Variants in DNER observed in about 807,000 individuals in gnomAD.
DNER encodes the protein delta/notch like EGF repeat containing.
DNER carries 33 observed loss-of-function variants against 78.2 expected under a neutral mutation model. The ratio of observed to expected loss-of-function variants is 0.42; its 90% CI spans 0.32 to 0.56. The LOEUF (loss-of-function observed/expected upper bound fraction) is 0.56, where lower values mean the gene tolerates loss of function less well. Ranked by LOEUF, DNER falls within the 20% of genes least tolerant of loss-of-function variation. The pLI, the probability that DNER is intolerant of heterozygous loss-of-function variation, is 0.11. For synonymous variants in DNER, 417 were observed against 384.8 expected, an observed-to-expected ratio of 1.08 and a Z score of -0.98; for missense variants, 918 against 975.3, an observed-to-expected ratio of 0.94 and a Z score of 0.78.
At chr2:229,553,623 C>A (rs1696791538) in intron 4 of DNER, among the ~76,000 whole-genome samples, 1 of 152,202 alleles carries the variant, frequency 6.6e-6, no homozygotes, top group South Asian at 2.1e-4. Context: ...GGCTGCCATG[C>A]CAGCGCAGGT....
intron 10 of DNER, among the ~76,000 whole-genome samples, chr2:229,397,274 T>A (rs1693166483): frequency 6.6e-6 from 1 of 152,054 alleles, no homozygotes; most frequent in Non-Finnish European, 1.5e-5. Context: ...GTGAGCTCTC[T>A]GAGTTTTCTT....
chr2:229,662,347 G>T (rs1314945953), intron 1 of DNER, among the ~76,000 whole-genome samples: 6 of 152,120 alleles, frequency 3.9e-5, no homozygotes, highest in African/African-American at 1.4e-4. Context: ...TAGACCTAAG[G>T]AAAAAGATAA....
chr2:229,549,554 C>G (rs945566538), intron 4 of DNER, among the ~76,000 whole-genome samples: 1 of 152,198 alleles, frequency 6.6e-6, no homozygotes, highest in Non-Finnish European at 1.5e-5. Flanking sequence ...CCGTCTTGGC[C>G]TCCCAAAGTG....
chr2:229,692,328 A>G (rs987824200), intron 1 of DNER, among the ~76,000 whole-genome samples: 1 of 152,206 alleles, frequency 6.6e-6, no homozygotes, highest in African/African-American at 2.4e-5. Context: ...TAGTGCATGC[A>G]TATTTAAGAT....
At chr2:229,653,054 C>G (rs1448445162) in intron 1 of DNER, among the ~76,000 whole-genome samples, 3 of 152,208 alleles carry the variant, frequency 2.0e-5, no homozygotes, top group African/African-American at 7.2e-5. Flanking sequence ...GGACCTGCAT[C>G]TCAGTGGGCA....
intron 1 of DNER, among the ~76,000 whole-genome samples, chr2:229,623,557 C>T (rs766869591): frequency 2.8e-4 from 42 of 152,138 alleles, no homozygotes; most frequent in Non-Finnish European, 5.7e-4. Flanking sequence ...ACTGGGAGCC[C>T]GAGAAGGCAG....
intron 11 of DNER, among the ~76,000 whole-genome samples, chr2:229,388,016 G>A (rs576738555): frequency 6.6e-6 from 1 of 152,108 alleles, no homozygotes. Flanking sequence ...TCTCATCCTG[G>A]GGAAAGGCTG....
In DNER at chr2:229,358,620, C is replaced by G; in HGVS notation, c.2134G>C (p.Asp712His). 6.2e-7 allele frequency: 1 copy of G among 1,613,898 alleles called. No homozygotes were observed. The highest frequency in any genetic ancestry group is 8.5e-7 in the Non-Finnish European group (1 of 1,179,904). ...FGKKSRPAMYDVSPIAYEDYS... is the reference protein window; with the variant it reads ...FGKKSRPAMYHVSPIAYEDYS... ...TCTTCATAGGCGATGGGGCTCACAT[C>G]ATACATTGCAGGCCGGGATTTCTTT... Residue 712 changes from aspartate (D) to histidine (H), a missense_variant, in exon 13 of 13, where the codon GAT becomes CAT. Transcript: ENST00000341772.
At chr2:229,444,567 T>G (rs1694301523) in intron 8 of DNER, among the ~76,000 whole-genome samples, 1 of 152,216 alleles carries the variant, frequency 6.6e-6, no homozygotes, top group South Asian at 2.1e-4. Context: ...TCCCTTCAAT[T>G]TTAAGTTTTA....
At chr2:229,477,313 C>T (rs975026272) in intron 6 of DNER, 60 bp from the exon 7 acceptor site, 2 of 1,294,624 alleles carry the variant, frequency 1.5e-6, no homozygotes, top group Non-Finnish European at 2.2e-6. Context: ...CCATGAGCCA[C>T]TCTAGGAATT....
At chr2:229,661,421 A>T (rs1461523138) in intron 1 of DNER, among the ~76,000 whole-genome samples, 1 of 92,326 alleles carries the variant, frequency 1.1e-5, no homozygotes, top group African/African-American at 3.1e-5. Context: ...CTAAAGTTCC[A>T]AGATCATAAA....
At chr2:229,454,534 T>C (rs1404629692) in intron 7 of DNER, among the ~76,000 whole-genome samples, 2 of 152,170 alleles carry the variant, frequency 1.3e-5, no homozygotes, top group Non-Finnish European at 2.9e-5. Flanking sequence ...AGGATGAGAA[T>C]GGAACTAATA....
At chr2:229,684,787 G>A (rs143717770) in intron 1 of DNER, among the ~76,000 whole-genome samples, 2 of 152,218 alleles carry the variant, frequency 1.3e-5, no homozygotes, top group East Asian at 3.9e-4. Context: ...ATCAAATCTG[G>A]TCTTCATGAT....
intron 6 of DNER, among the ~76,000 whole-genome samples, chr2:229,511,733 T>C (rs1036588443): frequency 6.6e-6 from 1 of 152,236 alleles, no homozygotes; most frequent in Admixed American, 6.5e-5. Flanking sequence ...TACATACTTG[T>C]GGAATTGTTT....
chr2:229,594,031 C>G (rs1697658399), intron 1 of DNER, among the ~76,000 whole-genome samples: 1 of 152,226 alleles, frequency 6.6e-6, no homozygotes, highest in Non-Finnish European at 1.5e-5. Flanking sequence ...AGCTCCATTG[C>G]CACAGCCCAC....
At chr2:229,696,035 C>A (rs1216460534) in intron 1 of DNER, among the ~76,000 whole-genome samples, 1 of 152,184 alleles carries the variant, frequency 6.6e-6, no homozygotes, top group Non-Finnish European at 1.5e-5. Context: ...CATTACTAAA[C>A]CTCACTGCCC....
intron 7 of DNER, among the ~76,000 whole-genome samples, chr2:229,464,028 T>C (rs1694754228): frequency 1.3e-5 from 2 of 152,168 alleles, no homozygotes; most frequent in Non-Finnish European, 2.9e-5. Context: ...AACCCTATGA[T>C]GTGTGCAGGT....
intron 1 of DNER, among the ~76,000 whole-genome samples, chr2:229,705,526 G>T (rs1337287841): frequency 6.6e-6 from 1 of 152,060 alleles, no homozygotes; most frequent in African/African-American, 2.4e-5. Context: ...CAACCCTCTG[G>T]TTCCCTTTTC....
At chr2:229,551,643 CATAA>C (rs1696739318) in intron 4 of DNER, among the ~76,000 whole-genome samples, 1 of 149,972 alleles carries the variant, frequency 6.7e-6, no homozygotes, top group South Asian at 2.1e-4. Context: ...TAAAAAAAAA[CATAA>C]ATAAGGAAGG....
Sources: allele counts gnomAD v4.1 joint callset (sites outside exome capture counted in the v4.1 genomes callset), GRCh38; gene constraint gnomAD v4.1.1; transcripts MANE v1.5; gene names NCBI Gene and HGNC (gene_info 2026-07-23, HGNC 2026-07-21).